Variants in TAF15 observed in about 807,000 individuals in gnomAD.
TAF15 encodes TATA-binding protein-associated factor 2N.
In TAF15, 37 loss-of-function variants were observed where a neutral mutation model predicts 102.5. That is an observed-to-expected ratio of 0.36 (90% CI 0.28 to 0.47). TAF15 has a LOEUF of 0.47. Among genes scored for constraint, TAF15 ranks in the 20% least tolerant of loss-of-function variants. TAF15 has a pLI of 0.99. For synonymous variants in TAF15, 273 were observed against 259.2 expected (o/e 1.05, Z -0.51); for missense variants, 652 against 760.7 (o/e 0.86, Z 1.68).
chr17:35,827,521 A>G (rs1308251009), intron 7 of TAF15, among the ~76,000 whole-genome samples: 2 of 152,096 alleles, frequency 1.3e-5, no homozygotes, highest in African/African-American at 4.8e-5. Context: ...CCTGACCAAT[A>G]GGGTGAAACC....
At chr17:35,816,561 A>C (rs543360112) in intron 1 of TAF15, among the ~76,000 whole-genome samples, 3 of 152,324 alleles carry the variant, frequency 2.0e-5, no homozygotes, top group South Asian at 2.1e-4. Flanking sequence ...TTTTGTTTCA[A>C]ATTGAGTGAG....
intron 7 of TAF15, among the ~76,000 whole-genome samples, chr17:35,831,353 G>C (rs557078002): frequency 1.2e-3 from 178 of 150,972 alleles, no homozygotes; most frequent in African/African-American, 4.3e-3. Context: ...CTTGCAGTGA[G>C]CCGAGATCGC....
In TAF15 at chr17:35,834,527, T is replaced by C. The variant is rs1316113737; in HGVS notation, c.641-39T>C. On this transcript the variant is annotated intron_variant, in intron 8 of 15. Coordinates refer to ENST00000605844, the MANE Select transcript of TAF15 (RefSeq NM_139215.3). Reference sequence around the variant, plus strand: ...TTTTTTGTTAATGATTTTAAATAAATTGCCTTAAATAGCTCTTTTTTCTTT... The same window carrying C: ...TTTTTTGTTAATGATTTTAAATAAACTGCCTTAAATAGCTCTTTTTTCTTT... 2.5e-6 allele frequency: 4 copies of C among 1,599,290 alleles called. No individual in the cohort carries two copies. In the Admixed American group the frequency reaches 6.7e-5, roughly 27 times the overall value.
intron 9 of TAF15, 78 bp downstream of exon 9, chr17:35,834,676 G>A: frequency 7.3e-7 from 1 of 1,377,322 alleles, no homozygotes; most frequent in Non-Finnish European, 1.0e-6. Flanking sequence ...TGTGTGTTTG[G>A]AGGGGCTTAG....
At chr17:35,821,463 T>C (rs2087256774) in intron 5 of TAF15, among the ~76,000 whole-genome samples, 1 of 152,210 alleles carries the variant, frequency 6.6e-6, no homozygotes, top group South Asian at 2.1e-4. Flanking sequence ...TTTAAAGTGC[T>C]AGGGTTTGGA....
At chr17:35,824,239 C>A in intron 7 of TAF15, 41 bp downstream of exon 7, 1 of 1,581,882 alleles carries the variant, frequency 6.3e-7, no homozygotes, top group Non-Finnish European at 8.6e-7. Context: ...CTTCTTCTTC[C>A]TCTTTTTTTT....
rs777071124 is a variant in TAF15, at chr17:35,817,766, CA to C, written c.47+12del. On this transcript the variant is annotated intron_variant, in intron 2 of 15. Transcript: ENST00000605844. The stretch of plus-strand genomic sequence containing the variant: ...GGGTGAGCAGCAAAGGTAAAGTATA[CA>C]TACATTTTAATAATATGAAAGGGTA... 4.3e-6 allele frequency: 7 copies of C among 1,611,922 alleles called. No individual in the cohort carries two copies. The highest frequency in any genetic ancestry group is 5.9e-6 in the Non-Finnish European group (7 of 1,178,104).
At chr17:35,844,390 A>T in intron 14 of TAF15, 22 bp downstream of exon 14, 1 of 1,613,026 alleles carries the variant, frequency 6.2e-7, no homozygotes, top group Non-Finnish European at 8.5e-7. Flanking sequence ...TTTTAATAGC[A>T]TCTGCATCGT....
intron 12 of TAF15, among the ~76,000 whole-genome samples, chr17:35,843,153 C>T (rs990287222): frequency 8.6e-5 from 13 of 150,924 alleles, no homozygotes; most frequent in African/African-American, 2.4e-4. Flanking sequence ...GACAGAGTTT[C>T]GCTCTTGTTG....
At chr17:35,817,900 C>T (rs1246796328) in intron 2 of TAF15, 145 bp downstream of exon 2, 1 of 731,254 alleles carries the variant, frequency 1.4e-6, no homozygotes, top group Non-Finnish European at 2.4e-6. Context: ...TAAATAGGTG[C>T]TGTAAGACAT....
intron 8 of TAF15, among the ~76,000 whole-genome samples, 158 bp downstream of exon 8, chr17:35,834,099 A>G (rs1053432669): frequency 6.6e-6 from 1 of 151,618 alleles, no homozygotes; most frequent in African/African-American, 2.4e-5. Flanking sequence ...ATATATACAC[A>G]TATATATATC....
intron 10 of TAF15, among the ~76,000 whole-genome samples, chr17:35,837,199 TG>T (rs1256386728): frequency 1.3e-5 from 2 of 152,174 alleles, no homozygotes; most frequent in African/African-American, 4.8e-5. Context: ...CCATCCAGGC[TG>T]GAGTACAGTG....
chr17:35,817,857 T>C, intron 2 of TAF15, 102 bp downstream of exon 2: 1 of 1,005,144 alleles, frequency 9.9e-7, no homozygotes, highest in Non-Finnish European at 1.6e-6. Context: ...ATAAGTTAAA[T>C]ATTAGCTTGT....
At chr17:35,811,838 C>G (rs746334214) in intron 1 of TAF15, among the ~76,000 whole-genome samples, 17 of 152,228 alleles carry the variant, frequency 1.1e-4, no homozygotes, top group Non-Finnish European at 2.5e-4. Context: ...AAGATAACTT[C>G]TCATTCTGGC....
chr17:35,844,149 G>T lies in TAF15; in HGVS notation c.1079G>T (p.Cys360Phe), dbSNP rs1298161351. 1 of 1,614,084 alleles carries T rather than the reference G, an allele frequency of 6.2e-7. No individual in the cohort carries two copies. The change falls in exon 13 of 16, where the codon TGC becomes TTC. Residue 360 changes from cysteine (C) to phenylalanine (F), a missense_variant. By Grantham distance (205) the Cys-to-Phe change is radical. Around this residue, in one of 3 missense-constraint regions of TAF15, gnomAD observed 368 missense variants for 367.5 expected, o/e 1.00. Transcript: ENST00000605844. ...GACCCCAAAAGTGGGGATTGGGTTT[G>T]CCCTAATCCGTAAGTGTCTTGTTTA... The part of the protein sequence containing the change: ...GGDPKSGDWV[C>F]PNPSCGNMNF...
intron 1 of TAF15, chr17:35,810,234 T>G (rs1332068349): frequency 6.3e-6 from 1 of 159,928 alleles, no homozygotes; most frequent in Admixed American, 5.9e-5. Flanking sequence ...CCAGTTTATC[T>G]CCTGAAAGAG....
At chr17:35,830,869 G>A (rs901676946) in intron 7 of TAF15, among the ~76,000 whole-genome samples, 3 of 152,106 alleles carry the variant, frequency 2.0e-5, no homozygotes, top group South Asian at 2.1e-4. Flanking sequence ...CTATGCTTAC[G>A]CTTATATTCC....
chr17:35,840,377 G>A (rs143315928), intron 11 of TAF15, among the ~76,000 whole-genome samples: 2,584 of 146,148 alleles, frequency 0.018, 78 homozygotes, highest in African/African-American at 0.061. Context: ...TCAGCCTCCC[G>A]AGTAGCTGGG....
chr17:35,824,742 A>C (rs184837036), intron 7 of TAF15, among the ~76,000 whole-genome samples: 1 of 152,326 alleles, frequency 6.6e-6, no homozygotes, highest in African/African-American at 2.4e-5. Context: ...GTGTAACATC[A>C]CATAGTAATG....
Sources: gnomAD v4.1 joint callset for allele counts (sites outside exome capture counted in the v4.1 genomes callset) on GRCh38, gnomAD v4.1.1 for gene constraint, gnomAD v4.1.1 regional missense constraint, MANE v1.5 for transcripts, NCBI Gene and HGNC (gene_info 2026-07-23, HGNC 2026-07-21) for gene names.